FXYD6: variants seen among roughly 807,000 people sequenced by gnomAD.
FXYD6 encodes the protein FXYD domain-containing ion transport regulator 6.
A neutral mutation model predicts 16.7 loss-of-function variants in FXYD6; 7 were observed. That is an observed-to-expected ratio of 0.42 (90% CI 0.24 to 0.79). FXYD6 has a LOEUF of 0.79. Ranked by LOEUF, FXYD6 falls within the 30% of genes least tolerant of loss-of-function variation. The pLI is 0.28. For synonymous variants in FXYD6, 49 were observed against 43.0 expected (o/e 1.14, Z -0.54); for missense variants, 111 against 116.2 (o/e 0.95, Z 0.21).
chr11:117,860,034 C>A (rs956256117), intron 1 of FXYD6, among the ~76,000 whole-genome samples: 1 of 152,126 alleles, frequency 6.6e-6, no homozygotes, highest in Non-Finnish European at 1.5e-5. Flanking sequence ...TTGTTATCGT[C>A]AAAAGCATTT....
At chr11:117,847,284 A>G (rs973398881) in intron 1 of FXYD6, among the ~76,000 whole-genome samples, 1 of 152,156 alleles carries the variant, frequency 6.6e-6, no homozygotes, top group Admixed American at 6.5e-5. Context: ...CTCTGTAGAT[A>G]TATCATCTTC....
intron 1 of FXYD6, among the ~76,000 whole-genome samples, chr11:117,849,583 C>T (rs1193267560): frequency 6.6e-6 from 1 of 151,574 alleles, no homozygotes; most frequent in Non-Finnish European, 1.5e-5. Context: ...AAGATCAGCA[C>T]TTTAAAATCT....
At position 117,838,191 on chromosome 11, in the gene FXYD6, G is replaced by A. The variant is rs555275117; in HGVS notation, c.*108C>T. ...CACACAAGTTCTTGGCTTCTCCTGG[G>A]GAAAGGGCTGTTGCTGAAGTGGCCG... On this transcript the variant is annotated 3_prime_UTR_variant, in exon 8 of 8. Coordinates refer to ENST00000526014, the MANE Select transcript of FXYD6 (RefSeq NM_022003.4). The A allele has an allele frequency of 1.1e-3, 805 of 702,344 alleles. 2 individuals are homozygous for A. The highest frequency in any genetic ancestry group is 1.8e-3 in the Non-Finnish European group (684 of 385,002). 43.5% of individuals were successfully genotyped at this position (702,344 alleles called of 1,614,324 possible).
chr11:117,874,838 G>C (rs1317319222), intron 1 of FXYD6, among the ~76,000 whole-genome samples: 1 of 152,216 alleles, frequency 6.6e-6, no homozygotes, highest in Non-Finnish European at 1.5e-5. Context: ...GGGCTTTGAG[G>C]AGGAGGGAAA....
intron 1 of FXYD6, among the ~76,000 whole-genome samples, chr11:117,857,635 T>C (rs1176614491): frequency 6.6e-6 from 1 of 152,050 alleles, no homozygotes; most frequent in Non-Finnish European, 1.5e-5. Flanking sequence ...TCTCGATCTC[T>C]TGACCTCGTG....
At chr11:117,862,238 G>A (rs192420528) in intron 1 of FXYD6, among the ~76,000 whole-genome samples, 38 of 152,380 alleles carry the variant, frequency 2.5e-4, no homozygotes, top group Admixed American at 1.8e-3. Context: ...GCCAGGAGAG[G>A]TGGAGGCTGC....
chr11:117,838,159 TG>T lies in FXYD6; in HGVS notation c.*139del. The T allele has an allele frequency of 1.4e-6, 1 of 700,934 alleles. No individual in the cohort carries two copies. The allele number at this position is 700,934 out of a possible 1,614,324, so 43.4% of individuals were successfully genotyped here. ...AGGAATGGTGTTAGAGGGGATAGGG[TG>T]GGGGACACACAAGTTCTTGGCTTCT... On this transcript the variant is annotated 3_prime_UTR_variant, in exon 8 of 8. Transcript: ENST00000526014.
In FXYD6 at chr11:117,851,402, C is replaced by T. The variant is rs537201958; in HGVS notation, c.-5-8621G>A. On this transcript the variant is annotated intron_variant, in intron 1 of 7. Transcript: ENST00000526014. ...CATGTGGTGGCCTCACTCCAAAAGC[C>T]TGCTAAGAAATACAGCCTGCCATGA... Among the ~76,000 whole-genome samples, 4 of 152,332 alleles carry T rather than the reference C, an allele frequency of 2.6e-5. No individual in the cohort carries two copies. In the East Asian group the frequency reaches 7.7e-4, roughly 29 times the overall value.
chr11:117,871,744 C>T (rs2057141432), intron 1 of FXYD6, among the ~76,000 whole-genome samples: 2 of 152,198 alleles, frequency 1.3e-5, no homozygotes, highest in Non-Finnish European at 2.9e-5. Flanking sequence ...AGGCAGCATG[C>T]TGAGCCCTTT....
intron 1 of FXYD6, among the ~76,000 whole-genome samples, chr11:117,873,805 C>T (rs2057193148): frequency 6.6e-6 from 1 of 152,158 alleles, no homozygotes; most frequent in South Asian, 2.1e-4. Context: ...AGGAAACTGC[C>T]CTTTCTCCCC....
At chr11:117,861,838 G>T (rs1449174961) in intron 1 of FXYD6, among the ~76,000 whole-genome samples, 1 of 152,240 alleles carries the variant, frequency 6.6e-6, no homozygotes, top group African/African-American at 2.4e-5. Context: ...ATGTGGAGGG[G>T]CCTCGGCCCA....
chr11:117,875,822 C>G (rs1272386093), intron 1 of FXYD6, among the ~76,000 whole-genome samples: 2 of 152,176 alleles, frequency 1.3e-5, no homozygotes, highest in Non-Finnish European at 2.9e-5. Context: ...GGTGCCTCCT[C>G]TACCAGCCAC....
rs1251018430 is a variant in FXYD6 at position 117,856,524 on chromosome 11, G to C, written c.-5-13743C>G. Among the ~76,000 whole-genome samples, 3 of 152,222 alleles carry C rather than the reference G, an allele frequency of 2.0e-5. No individual in the cohort carries two copies. The South Asian group carries it at 6.2e-4, about 32-fold the overall frequency. On this transcript the variant is annotated intron_variant, in intron 1 of 7. Transcript: ENST00000526014. ...CTTAGCAGGATGCCCTGCTAAGAAA[G>C]ATGAGGTCTCACTTCATACAGAACG...
At position 117,838,236 on chromosome 11, in the gene FXYD6, T is replaced by C. The variant is rs769996703; in HGVS notation, c.*63A>G. On this transcript the variant is annotated 3_prime_UTR_variant, in exon 8 of 8. Coordinates refer to ENST00000526014, the MANE Select transcript of FXYD6 (RefSeq NM_022003.4). ...TGGCCGGTTTTCTTAAGCATCGACA[T>C]TTGCATCCAAAGGTTCAAGCAGCCG... The C allele has an allele frequency of 4.3e-6, 3 of 702,498 alleles. No homozygotes were observed. The Admixed American group carries it at 6.0e-5, about 14-fold the overall frequency. The allele number at this position is 702,498 out of a possible 1,614,324, so 43.5% of individuals were successfully genotyped here. A position where few individuals can be genotyped will look rare whatever the true frequency, so the allele number is the denominator to read the frequency against.
rs2057276176 is a variant in FXYD6 at position 117,876,648 on chromosome 11, C to G, written c.-62G>C. On this transcript the variant is annotated 5_prime_UTR_variant, in exon 1 of 8. Coordinates refer to ENST00000526014, the MANE Select transcript of FXYD6 (RefSeq NM_022003.4). Reference sequence around the variant, plus strand: ...GAGGACCCGCCGAGTCCCGAGGAGCCTGGGAGTGGCGGGGCTGGGGGCAGG... The same window carrying G: ...GAGGACCCGCCGAGTCCCGAGGAGCGTGGGAGTGGCGGGGCTGGGGGCAGG... 1 of 152,014 alleles carries G rather than the reference C, an allele frequency of 6.6e-6. No homozygotes were observed. 9.4% of individuals were successfully genotyped at this position (152,014 alleles called of 1,614,324 possible).
intron 6 of FXYD6, chr11:117,840,105 A>G: frequency 3.0e-6 from 2 of 659,648 alleles, no homozygotes; most frequent in Non-Finnish European, 5.3e-6. Flanking sequence ...TGTGCCTGGC[A>G]CAAGCAGATG....
chr11:117,839,949 T>G (rs2056300605), intron 6 of FXYD6, 119 bp from the exon 7 acceptor site: 3 of 1,335,400 alleles, frequency 2.2e-6, no homozygotes, highest in Non-Finnish European at 3.2e-6. Context: ...GGGCATGGGA[T>G]TTCGAGTCAG....
chr11:117,875,724 A>G (rs2057245278), intron 1 of FXYD6, among the ~76,000 whole-genome samples: 1 of 152,170 alleles, frequency 6.6e-6, no homozygotes, highest in South Asian at 2.1e-4. Flanking sequence ...AGCCTCCAGT[A>G]GCCACGGTCC....
In FXYD6 at chr11:117,872,368, T is replaced by C. The variant is rs2057157819; in HGVS notation, c.-6+4224A>G. On this transcript the variant is annotated intron_variant, in intron 1 of 7. Coordinates refer to ENST00000526014, the MANE Select transcript of FXYD6 (RefSeq NM_022003.4). This position sits in a 1 kb window ranked among gnomAD's most constrained non-coding sequence, Gnocchi z 4.9. ...AGGGCCTCCTGGTAGGATGTGGACA[T>C]GAGGTGGACAGTAGGGGAGAGGAAG... Among the ~76,000 whole-genome samples, 1 of 152,050 alleles carries C rather than the reference T, an allele frequency of 6.6e-6. No individual in the cohort carries two copies. The highest frequency in any genetic ancestry group is 1.5e-5 in the Non-Finnish European group (1 of 67,998).
Sources: gnomAD v4.1 joint callset for allele counts (sites outside exome capture counted in the v4.1 genomes callset) on GRCh38, gnomAD v4.1.1 for gene constraint, Gnocchi (gnomAD v3.1) non-coding constraint, MANE v1.5 for transcripts, NCBI Gene and HGNC (gene_info 2026-07-23, HGNC 2026-07-21) for gene names.